VPS37A: variants seen among roughly 807,000 people sequenced by gnomAD.
VPS37A encodes the protein vacuolar protein sorting-associated protein 37A.
A neutral mutation model predicts 49.8 loss-of-function variants in VPS37A; 30 were observed. That is an observed-to-expected ratio of 0.60 (90% CI 0.45 to 0.82). VPS37A has a LOEUF of 0.82. Among genes scored for constraint, VPS37A ranks in the 40% least tolerant of loss-of-function variants. The pLI is 0.00. For synonymous variants in VPS37A, 195 were observed against 160.6 expected (o/e 1.21, Z -1.62); for missense variants, 593 against 464.4 (o/e 1.28, Z -2.55).
intron 11 of VPS37A, among the ~76,000 whole-genome samples, chr8:17,291,409 A>G (rs923370622): frequency 1.3e-5 from 2 of 148,382 alleles, no homozygotes; most frequent in Admixed American, 1.3e-4. Context: ...AATCTTTTCA[A>G]AACAGCTGCT....
the VPS37A span, among the ~76,000 whole-genome samples, chr8:17,312,595 A>G: frequency 6.6e-6 from 1 of 151,726 alleles, no homozygotes; most frequent in South Asian, 2.1e-4. Context: ...AAAAAAAAAA[A>G]AAAAAATTCT....
chr8:17,325,878 C>T, the VPS37A span, among the ~76,000 whole-genome samples: 1 of 152,196 alleles, frequency 6.6e-6, no homozygotes. Context: ...AATTCACCTA[C>T]AGCCCATCAA....
chr8:17,331,562 C>T, the VPS37A span, among the ~76,000 whole-genome samples: 1 of 152,206 alleles, frequency 6.6e-6, no homozygotes, highest in Non-Finnish European at 1.5e-5. Context: ...CTTGCAGTCC[C>T]CGTCAGAGAT....
chr8:17,333,012 T>C, the VPS37A span, among the ~76,000 whole-genome samples: 7 of 151,946 alleles, frequency 4.6e-5, no homozygotes, highest in East Asian at 1.2e-3. Flanking sequence ...ATTGAAATAA[T>C]AGAAATAAAG....
downstream of VPS37A, among the ~76,000 whole-genome samples, chr8:17,302,806 G>A (rs572082930): frequency 2.8e-4 from 39 of 138,170 alleles, 1 homozygote; most frequent in African/African-American, 1.0e-3. Context: ...TCCACCTCCC[G>A]GGTTCAAGCG....
chr8:17,285,954 A>G (rs535747218), intron 10 of VPS37A, among the ~76,000 whole-genome samples: 1 of 152,314 alleles, frequency 6.6e-6, no homozygotes, highest in African/African-American at 2.4e-5. Flanking sequence ...CGTCAACATT[A>G]GCTATCTTCA....
chr8:17,300,320 TATA>T, downstream of VPS37A: 15 of 1,296,680 alleles, frequency 1.2e-5, no homozygotes, highest in South Asian at 2.0e-4. Context: ...CCCACGTGGG[TATA>T]ATGTTAAGAA....
At chr8:17,252,362 G>C (rs934812890) in intron 1 of VPS37A, among the ~76,000 whole-genome samples, 1 of 152,116 alleles carries the variant, frequency 6.6e-6, no homozygotes, top group African/African-American at 2.4e-5. Context: ...TTTTGGTAGA[G>C]ATGGGGTTTT....
chr8:17,261,677 A>T (rs1399300465), intron 1 of VPS37A, among the ~76,000 whole-genome samples: 1 of 152,086 alleles, frequency 6.6e-6, no homozygotes, highest in Admixed American at 6.6e-5. Flanking sequence ...TGGCACTTTA[A>T]ACCCAGGTTT....
intron 4 of VPS37A, 103 bp downstream of exon 4, chr8:17,269,059 T>G (rs1323762767): frequency 7.8e-6 from 6 of 773,626 alleles, no homozygotes; most frequent in Non-Finnish European, 1.2e-5. Context: ...GTCCTCTGAT[T>G]TCTACATCCC....
At chr8:17,255,865 G>T (rs780833016) in intron 1 of VPS37A, among the ~76,000 whole-genome samples, 1 of 152,112 alleles carries the variant, frequency 6.6e-6, no homozygotes, top group Non-Finnish European at 1.5e-5. Flanking sequence ...TAAATGACAG[G>T]ATTTCATCCT....
chr8:17,330,228 G>GA, the VPS37A span, among the ~76,000 whole-genome samples: 2 of 152,142 alleles, frequency 1.3e-5, no homozygotes, highest in African/African-American at 2.4e-5. Flanking sequence ...TGGATTCCTG[G>GA]AAAAAATAAT....
chr8:17,325,856 C>A, the VPS37A span, among the ~76,000 whole-genome samples: 2 of 152,160 alleles, frequency 1.3e-5, no homozygotes, highest in Non-Finnish European at 2.9e-5. Flanking sequence ...CAAATACTTG[C>A]CTGGCTGACT....
chr8:17,270,291 A>T (rs933721572), intron 4 of VPS37A, among the ~76,000 whole-genome samples: 1 of 152,116 alleles, frequency 6.6e-6, no homozygotes, highest in Non-Finnish European at 1.5e-5. Context: ...AAATAATGAC[A>T]TTTATGTTTT....
chr8:17,280,545 G>C (rs947915823), intron 9 of VPS37A, 102 bp downstream of exon 9: 1 of 1,082,226 alleles, frequency 9.2e-7, no homozygotes, highest in African/African-American at 1.6e-5. Context: ...CCATTTATGA[G>C]GTATCTGACC....
intron 11 of VPS37A, 88 bp downstream of exon 11, chr8:17,286,515 C>A: frequency 9.0e-7 from 1 of 1,113,254 alleles, no homozygotes; most frequent in South Asian, 1.4e-5. Context: ...GTTCATCAGC[C>A]TTAAGCATAA....
chr8:17,319,036 G>T, the VPS37A span, among the ~76,000 whole-genome samples: 1 of 152,366 alleles, frequency 6.6e-6, no homozygotes, highest in East Asian at 1.9e-4. Flanking sequence ...CCATCTTGGG[G>T]AAATAGGAGG....
intron 1 of VPS37A, among the ~76,000 whole-genome samples, chr8:17,259,481 T>C (rs1342245318): frequency 6.6e-6 from 1 of 152,132 alleles, no homozygotes; most frequent in Non-Finnish European, 1.5e-5. Context: ...CAGACTTGTT[T>C]TCTGGCCTAA....
Position 17,296,979 on chromosome 8 carries a change from C to G in VPS37A, c.*1993C>G, listed in dbSNP as rs1401661452. On this transcript the variant is annotated 3_prime_UTR_variant, in exon 12 of 12. Coordinates refer to ENST00000324849, the MANE Select transcript of VPS37A (RefSeq NM_152415.3). Reference sequence around the variant, plus strand: ...GTATGTCACCCACGATGAAAAGAATCTGCATTTGAATATGCCCGTATGAAT... The same window carrying G: ...GTATGTCACCCACGATGAAAAGAATGTGCATTTGAATATGCCCGTATGAAT... 1 of 152,142 alleles carries G rather than the reference C, an allele frequency of 6.6e-6. No individual in the cohort carries two copies. Among genetic ancestry groups the G allele is most frequent in the Non-Finnish European group, 1.5e-5 (1 of 68,020 alleles). The allele number at this position is 152,142 out of a possible 1,614,324, so 9.4% of individuals were successfully genotyped here.
Sources: gnomAD v4.1 joint callset for allele counts (sites outside exome capture counted in the v4.1 genomes callset) on GRCh38, gnomAD v4.1.1 for gene constraint, MANE v1.5 for transcripts, NCBI Gene and HGNC (gene_info 2026-07-23, HGNC 2026-07-21) for gene names.